MGLL: variants seen among roughly 807,000 people sequenced by gnomAD.
The protein encoded by MGLL is monoglyceride lipase.
In MGLL, 7 loss-of-function variants were observed where a neutral mutation model predicts 29.1. The observed-to-expected ratio is 0.24, with a 90% CI of 0.14 to 0.45. The LOEUF (loss-of-function observed/expected upper bound fraction) is 0.45, where lower values mean the gene tolerates loss of function less well. Ranked by LOEUF, MGLL falls within the 20% of genes least tolerant of loss-of-function variation. The probability of loss-of-function intolerance (pLI) is 0.99; values close to 1 mark genes in which losing one functional copy is unlikely to be tolerated. For synonymous variants in MGLL, 148 were observed against 168.3 expected (o/e 0.88, Z 0.93); for missense variants, 356 against 413.6 (o/e 0.86, Z 1.21).
chr3:127,754,680 C>G (rs919045587), intron 3 of MGLL, among the ~76,000 whole-genome samples: 1 of 152,114 alleles, frequency 6.6e-6, no homozygotes, highest in African/African-American at 2.4e-5. Flanking sequence ...GAGGCTGGGT[C>G]GGGCAGGAGG....
intron 7 of MGLL, among the ~76,000 whole-genome samples, chr3:127,692,911 T>C (rs2075275296): frequency 6.6e-6 from 1 of 152,236 alleles, no homozygotes; most frequent in Admixed American, 6.5e-5. Context: ...CACTGGCCTC[T>C]GCAGGCGGCT....
chr3:127,700,152 TAGAG>T (rs1460638756), intron 6 of MGLL, among the ~76,000 whole-genome samples: 1 of 152,168 alleles, frequency 6.6e-6, no homozygotes, highest in Non-Finnish European at 1.5e-5. Flanking sequence ...TCTGGCATAA[TAGAG>T]AAAGAGTGCA....
intron 3 of MGLL, among the ~76,000 whole-genome samples, chr3:127,767,176 C>CATCACT (rs1400654725): frequency 9.8e-6 from 1 of 102,178 alleles, no homozygotes; most frequent in African/African-American, 3.5e-5. Context: ...CACTCATTAC[C>CATCACT]ATCACTATCA....
intron 6 of MGLL, among the ~76,000 whole-genome samples, chr3:127,708,534 C>G (rs2075647859): frequency 1.3e-5 from 2 of 152,216 alleles, no homozygotes; most frequent in Non-Finnish European, 1.5e-5. Flanking sequence ...AAATTGGATG[C>G]TTTTAAATAG....
intron 3 of MGLL, among the ~76,000 whole-genome samples, chr3:127,745,205 G>GC (rs1476741392): frequency 6.6e-6 from 1 of 152,228 alleles, no homozygotes; most frequent in Non-Finnish European, 1.5e-5. Flanking sequence ...AAATGAGGAG[G>GC]CAAGTGAAAG....
At chr3:127,704,815 T>C (rs1428532928) in intron 6 of MGLL, among the ~76,000 whole-genome samples, 1 of 152,076 alleles carries the variant, frequency 6.6e-6, no homozygotes, top group African/African-American at 2.4e-5. Flanking sequence ...AGTTCAACCA[T>C]CGTGGAAGAC....
chr3:127,694,290 T>A (rs537545287), intron 7 of MGLL, among the ~76,000 whole-genome samples: 3,771 of 89,598 alleles, frequency 0.042, 96 homozygotes, highest in African/African-American at 0.068. Context: ...AAAAAAAATA[T>A]ATATATATAT....
chr3:127,815,568 G>T (rs1429805971), intron 2 of MGLL, among the ~76,000 whole-genome samples: 3 of 152,210 alleles, frequency 2.0e-5, no homozygotes, highest in Non-Finnish European at 4.4e-5. Flanking sequence ...TGGTTATTTG[G>T]ATACAAAGCT....
chr3:127,757,436 T>C (rs2076683850), intron 3 of MGLL, among the ~76,000 whole-genome samples: 2 of 152,308 alleles, frequency 1.3e-5, no homozygotes, highest in South Asian at 4.1e-4. Flanking sequence ...CTGTATATAA[T>C]ATATAATACA....
Position 127,740,159 on chromosome 3 carries a change from T to A in MGLL, c.263-17593A>T, listed in dbSNP as rs77335895. 5.9e-3 allele frequency among the ~76,000 whole-genome samples: 903 copies of A among 152,330 alleles called. 15 individuals carry two copies. Among genetic ancestry groups the A allele is most frequent in the African/African-American group, 0.021 (862 of 41,560 alleles). On this transcript the variant is annotated intron_variant, in intron 3 of 7. Coordinates refer to ENST00000265052, the MANE Select transcript of MGLL (RefSeq NM_007283.7). Reference sequence around the variant, plus strand: ...AGGTCAAGTCTCCTAGTTCTCTTTTTAAAAACTTGTGGTAAATGTGCATAA... The same window carrying A: ...AGGTCAAGTCTCCTAGTTCTCTTTTAAAAAACTTGTGGTAAATGTGCATAA...
intron 2 of MGLL, among the ~76,000 whole-genome samples, chr3:127,790,281 C>T (rs1030826684): frequency 2.0e-5 from 3 of 152,168 alleles, no homozygotes; most frequent in East Asian, 1.9e-4. Context: ...CAGCGTGCAT[C>T]GGAGCACTCA....
chr3:127,740,136 G>T (rs1451694563), intron 3 of MGLL, among the ~76,000 whole-genome samples: 2 of 152,202 alleles, frequency 1.3e-5, no homozygotes, highest in Non-Finnish European at 2.9e-5. Context: ...CAGTTTTAAG[G>T]TCAAGTCTCC....
chr3:127,710,879 G>A lies in MGLL; in HGVS notation c.511-214C>T, dbSNP rs1389795571. 1.0e-5 allele frequency: 6 copies of A among 579,368 alleles called. No individual in the cohort carries two copies. In the Admixed American group the frequency reaches 1.6e-4, roughly 16 times the overall value. The allele number at this position is 579,368 out of a possible 1,614,324, so 35.9% of individuals were successfully genotyped here. A position where few individuals can be genotyped will look rare whatever the true frequency, so the allele number is the denominator to read the frequency against. ...AGCCTGGCTCTGCTCCACCTTGGGG[G>A]AGCTGGCCAGGCAGCCGCTGCGCCC... On this transcript the variant is annotated intron_variant, in intron 5 of 7. Coordinates refer to ENST00000265052, the MANE Select transcript of MGLL (RefSeq NM_007283.7).
In MGLL at chr3:127,719,292, C is replaced by A. The variant is rs148823321; in HGVS notation, c.510+1761G>T. Among the ~76,000 whole-genome samples, 316 of 152,332 alleles carry A rather than the reference C, an allele frequency of 2.1e-3. 2 individuals carry two copies. Among genetic ancestry groups the A allele is most frequent in the African/African-American group, 7.1e-3 (297 of 41,574 alleles). ...ACTTTATCTGAAAAGTCCTGTGGGC[C>A]CTGGCTTTTCTGTAAGGGAAAACAT... is the stretch of plus-strand genomic sequence containing the variant. On this transcript the variant is annotated intron_variant, in intron 5 of 7. Transcript: ENST00000265052.
chr3:127,787,158 C>T (rs2077228398), intron 2 of MGLL, among the ~76,000 whole-genome samples: 1 of 152,250 alleles, frequency 6.6e-6, no homozygotes, highest in Non-Finnish European at 1.5e-5. Flanking sequence ...AGGGACAACT[C>T]ACATTCTCAT....
rs559756344 is a variant in MGLL, at chr3:127,761,235, G to T, written c.262+20554C>A. Among the ~76,000 whole-genome samples the T allele has an allele frequency of 2.0e-5, 3 of 152,206 alleles. No individual in the cohort carries two copies. The highest frequency in any genetic ancestry group is 4.4e-5 in the Non-Finnish European group (3 of 68,028). On this transcript the variant is annotated intron_variant, in intron 3 of 7. Coordinates refer to ENST00000265052, the MANE Select transcript of MGLL (RefSeq NM_007283.7). This position sits in a 1 kb window ranked among gnomAD's most constrained non-coding sequence, Gnocchi z 4.6. ...CCTTCGCACTATCAAGGGGCCCACC[G>T]CCTGGGAGGGATTTCTGGGGTGCTG...
chr3:127,757,785 G>A (rs116445733), intron 3 of MGLL, among the ~76,000 whole-genome samples: 160 of 152,232 alleles, frequency 1.1e-3, no homozygotes, highest in African/African-American at 3.5e-3. Context: ...TCCAAGCTCA[G>A]GGTCCTCCTG....
chr3:127,736,299 A>T, intron 3 of MGLL: 1 of 986,018 alleles, frequency 1.0e-6, no homozygotes, highest in Non-Finnish European at 1.2e-6. Context: ...TTTAACAAGA[A>T]GTGAAACTTT....
intron 3 of MGLL, among the ~76,000 whole-genome samples, chr3:127,772,005 G>C (rs796982325): frequency 2.6e-5 from 4 of 152,246 alleles, no homozygotes; most frequent in African/African-American, 4.8e-5. Context: ...GTCTCTCAGG[G>C]CATCTGAGCT....
Sources: allele counts gnomAD v4.1 joint callset (sites outside exome capture counted in the v4.1 genomes callset), GRCh38; gene constraint gnomAD v4.1.1; non-coding constraint Gnocchi (gnomAD v3.1); transcripts MANE v1.5; gene names NCBI Gene and HGNC (gene_info 2026-07-23, HGNC 2026-07-21).